The following ZFP41 variants were observed in gnomAD, a reference collection of about 807,000 sequenced individuals.
The protein encoded by ZFP41 is ZFP41 zinc finger protein.
ZFP41 carries 10 observed loss-of-function variants against 11.6 expected under a neutral mutation model. The ratio of observed to expected loss-of-function variants is 0.86; its 90% CI spans 0.53 to 1.47. The LOEUF (loss-of-function observed/expected upper bound fraction) is 1.47, where lower values mean the gene tolerates loss of function less well. Among genes scored for constraint, ZFP41 ranks in the 40% most tolerant of loss-of-function variants. The probability of loss-of-function intolerance (pLI) is 0.00; values close to 1 mark genes in which losing one functional copy is unlikely to be tolerated. For missense variants in ZFP41, 302 were observed against 264.6 expected, an observed-to-expected ratio of 1.14 and a Z score of -0.98; for synonymous variants, 123 against 100.9, an observed-to-expected ratio of 1.22 and a Z score of -1.31.
rs7387879 is a variant in ZFP41 at position 143,247,127 on chromosome 8, T to C, written c.-170T>C. The C allele has an allele frequency of 0.43, 65,823 of 152,236 alleles. 15,305 individuals carry two copies. Among genetic ancestry groups the C allele is most frequent in the East Asian group, 0.69 (3,559 of 5,156 alleles). The allele number at this position is 152,236 out of a possible 1,614,324, so 9.4% of individuals were successfully genotyped here. A position where few individuals can be genotyped will look rare whatever the true frequency, so the allele number is the denominator to read the frequency against. Reference sequence around the variant, plus strand: ...TCTGCAGCGGGAGGTCCTCGTCGCCTCTCGTCTCCAGCCAGGTACTCACTG... The same window carrying C: ...TCTGCAGCGGGAGGTCCTCGTCGCCCCTCGTCTCCAGCCAGGTACTCACTG... On this transcript the variant is annotated 5_prime_UTR_variant, in exon 1 of 3. Transcript: ENST00000330701.
chr8:143,255,007 G>A (rs988596686), intron 2 of ZFP41, among the ~76,000 whole-genome samples: 1 of 152,158 alleles, frequency 6.6e-6, no homozygotes, highest in Non-Finnish European at 1.5e-5. Flanking sequence ...CAATAGGACG[G>A]ATTCCCAGGT....
rs1034685532 is a variant in ZFP41 at position 143,250,721 on chromosome 8, C to T, written c.*281C>T. ...AGAGCATTTTCCAAGTTCCCGATGG[C>T]GAACGGGGCTCAGCACCAGAGACCA... On this transcript the variant is annotated 3_prime_UTR_variant, in exon 2 of 3. Transcript: ENST00000330701. The T allele has an allele frequency of 1.4e-5, 7 of 510,994 alleles. No homozygotes were observed. The highest frequency in any genetic ancestry group is 8.1e-5 in the South Asian group (3 of 37,220). 31.7% of individuals were successfully genotyped at this position (510,994 alleles called of 1,614,324 possible).
chr8:143,251,478 G>A (rs920167222), intron 2 of ZFP41, 138 bp downstream of exon 2: 1 of 152,352 alleles, frequency 6.6e-6, no homozygotes, highest in Non-Finnish European at 1.5e-5. Context: ...GTTTATAAGA[G>A]GGTAGCAAAT....
chr8:143,252,681 C>T, intron 2 of ZFP41: 1 of 970,844 alleles, frequency 1.0e-6, no homozygotes, highest in Non-Finnish European at 1.2e-6. Context: ...CGTGTACCTG[C>T]CTCTGTGATG....
chr8:143,250,317 C>G lies in ZFP41; in HGVS notation c.474C>G (p.Leu158=). ...AAGCCTTTAACTGCGGCTCCAATCT[C>G]CTGAAACATCAGAAGACGCACACCG... The part of the protein sequence containing the change: ...CGKAFNCGSN[L]LKHQKTHTGE... Residue 158 remains leucine, a synonymous_variant, in exon 2 of 3, where the codon CTC becomes CTG. Coordinates refer to ENST00000330701, the MANE Select transcript of ZFP41 (RefSeq NM_173832.6). 4 of 1,614,058 alleles carry G rather than the reference C, an allele frequency of 2.5e-6. No homozygotes were observed. In the South Asian group the frequency reaches 4.4e-5, roughly 18 times the overall value.
chr8:143,255,868 C>T (rs1409585753), intron 2 of ZFP41, among the ~76,000 whole-genome samples: 2 of 120,368 alleles, frequency 1.7e-5, no homozygotes, highest in Admixed American at 8.3e-5. Context: ...GGGCTCGCCC[C>T]GCGTGCTGGT....
At chr8:143,249,303 G>T (rs1355561490) in intron 1 of ZFP41, 1 of 154,602 alleles carries the variant, frequency 6.5e-6, no homozygotes, top group Non-Finnish European at 1.4e-5. Flanking sequence ...CACTGGGCAC[G>T]TGTGGTCCCT....
intron 2 of ZFP41, among the ~76,000 whole-genome samples, chr8:143,259,403 C>T (rs531228028): frequency 1.6e-4 from 24 of 152,310 alleles, no homozygotes; most frequent in Admixed American, 1.1e-3. Context: ...TGGTATCTCG[C>T]GCTTAAACCG....
Position 143,249,762 on chromosome 8 carries a change from G to A in ZFP41, c.-82G>A, listed in dbSNP as rs552961222. The A allele has an allele frequency of 5.3e-5, 79 of 1,502,262 alleles. No homozygotes were observed. In the Middle Eastern group the frequency reaches 1.3e-3, roughly 24 times the overall value. The allele number at this position is 1,502,262 out of a possible 1,614,324, so 93.1% of individuals were successfully genotyped here. ...CCACGCTGGGAGTGTGGAGAGGTGC[G>A]TGGGAAGCAAGCCATTGAGGAAGTG... On this transcript the variant is annotated 5_prime_UTR_variant, in exon 2 of 3. In the 5' UTR this introduces an upstream ATG that the reference lacks. Coordinates refer to ENST00000330701, the MANE Select transcript of ZFP41 (RefSeq NM_173832.6).
chr8:143,252,451 C>T (rs1372249222), intron 2 of ZFP41, among the ~76,000 whole-genome samples: 1 of 152,236 alleles, frequency 6.6e-6, no homozygotes, highest in Admixed American at 6.5e-5. Context: ...TGTTGGCCTT[C>T]ATCAGACGTG....
At position 143,250,544 on chromosome 8, in the gene ZFP41, G is replaced by C; in HGVS notation, c.*104G>C. ...GTCTGATGGGGGCGCAGGGCCGTGC[G>C]CACTGTGTTCCGTGCCCTGGGGACC... On this transcript the variant is annotated 3_prime_UTR_variant, in exon 2 of 3. Coordinates refer to ENST00000330701, the MANE Select transcript of ZFP41 (RefSeq NM_173832.6). The C allele has an allele frequency of 2.0e-6, 3 of 1,516,432 alleles. No homozygotes were observed. The highest frequency in any genetic ancestry group is 1.4e-5 in the African/African-American group (1 of 71,828). 93.9% of individuals were successfully genotyped at this position (1,516,432 alleles called of 1,614,324 possible).
chr8:143,254,908 A>T (rs1814871315), intron 2 of ZFP41, among the ~76,000 whole-genome samples: 1 of 152,242 alleles, frequency 6.6e-6, no homozygotes, highest in African/African-American at 2.4e-5. Context: ...CAGGTGACTT[A>T]TCCACTTCCC....
chr8:143,252,152 A>G (rs1814780211), intron 2 of ZFP41, among the ~76,000 whole-genome samples: 2 of 152,242 alleles, frequency 1.3e-5, no homozygotes, highest in African/African-American at 4.8e-5. Context: ...CGTAAATCCC[A>G]GAACCACACT....
chr8:143,254,594 G>A (rs928150369), intron 2 of ZFP41, among the ~76,000 whole-genome samples: 6 of 148,604 alleles, frequency 4.0e-5, no homozygotes, highest in South Asian at 2.1e-4. Flanking sequence ...TAGTATGATC[G>A]TTGCTTTTCC....
chr8:143,254,066 T>A (rs943544346), intron 2 of ZFP41, among the ~76,000 whole-genome samples: 1 of 152,298 alleles, frequency 6.6e-6, no homozygotes, highest in Non-Finnish European at 1.5e-5. Flanking sequence ...GCGGTAACGC[T>A]CACTCGCCTG....
chr8:143,254,607 G>A (rs372232389), intron 2 of ZFP41, among the ~76,000 whole-genome samples: 13 of 146,534 alleles, frequency 8.9e-5, no homozygotes, highest in African/African-American at 3.0e-4. Flanking sequence ...GCTTTTCCCC[G>A]TTACTGACAA....
chr8:143,255,328 C>T (rs1035184510), intron 2 of ZFP41, among the ~76,000 whole-genome samples: 3 of 152,242 alleles, frequency 2.0e-5, no homozygotes, highest in Non-Finnish European at 2.9e-5. Flanking sequence ...AGAACAAGAA[C>T]CGTAATACGT....
intron 2 of ZFP41, among the ~76,000 whole-genome samples, chr8:143,254,889 G>A (rs1201105887): frequency 6.6e-6 from 1 of 152,154 alleles, no homozygotes; most frequent in Non-Finnish European, 1.5e-5. Flanking sequence ...CAGTTGAATC[G>A]AAAAGGCACA....
chr8:143,254,436 C>T (rs187219131), intron 2 of ZFP41, among the ~76,000 whole-genome samples: 1 of 152,134 alleles, frequency 6.6e-6, no homozygotes, highest in South Asian at 2.1e-4. Context: ...GGGGGCGGGA[C>T]AGGGAGCTGC....
Sources: gnomAD v4.1 joint callset for allele counts (sites outside exome capture counted in the v4.1 genomes callset) on GRCh38, gnomAD v4.1.1 for gene constraint, MANE v1.5 for transcripts, NCBI Gene and HGNC (gene_info 2026-07-23, HGNC 2026-07-21) for gene names.